DOP1B: variants seen among roughly 807,000 people sequenced by gnomAD.
DOP1B encodes the protein protein DOP1B.
In DOP1B, 174 loss-of-function variants were observed where a neutral mutation model predicts 233.5. That is an observed-to-expected ratio of 0.75 (90% CI 0.66 to 0.85). DOP1B has a LOEUF of 0.85. DOP1B is among the 40% of genes least tolerant of loss of function. The pLI, the probability that DOP1B is intolerant of heterozygous loss-of-function variation, is 0.00. For synonymous variants in DOP1B, 1,190 were observed against 1,185.6 expected (o/e 1.00, Z -0.08); for missense variants, 2,652 against 2,846.6 (o/e 0.93, Z 1.56).
Position 36,237,392 on chromosome 21 carries a change from A to G in DOP1B, c.2753A>G (p.His918Arg), listed in dbSNP as rs779637692. Reference sequence around the variant, plus strand: ...AACATCTGCGAGGACATCATCTGCCATGCCCTCCTGGACCCTGACAAGGTG... The same window carrying G: ...AACATCTGCGAGGACATCATCTGCCGTGCCCTCCTGGACCCTGACAAGGTG... ...TANICEDIIC[H>R]ALLDPDKGTR... The change falls in exon 16 of 37, where the codon CAT becomes CGT. Residue 918 changes from histidine to arginine, a missense_variant. By Grantham distance (29) the His-to-Arg change is conservative. This residue lies in a region of DOP1B where 2,617 missense variants were observed against 2,794.3 expected (regional missense o/e 0.94). Transcript: ENST00000691173. 8 of 1,614,130 alleles carry G rather than the reference A, an allele frequency of 5.0e-6. No homozygotes were observed. In the Admixed American group the frequency reaches 5.0e-5, roughly 10 times the overall value.
chr21:36,161,009 G>A (rs991208617), intron 1 of DOP1B, among the ~76,000 whole-genome samples: 2 of 152,180 alleles, frequency 1.3e-5, no homozygotes, highest in East Asian at 1.9e-4. Flanking sequence ...CTGGGGTTGA[G>A]CATGGCAGGA....
At chr21:36,202,335 G>C (rs1216150175) in intron 4 of DOP1B, among the ~76,000 whole-genome samples, 2 of 152,190 alleles carry the variant, frequency 1.3e-5, no homozygotes, top group African/African-American at 4.8e-5. Flanking sequence ...AATGGGACCT[G>C]TTTTAAGAGC....
intron 13 of DOP1B, among the ~76,000 whole-genome samples, chr21:36,229,992 C>T (rs1169433331): frequency 6.6e-6 from 1 of 151,190 alleles, no homozygotes; most frequent in East Asian, 1.9e-4. Context: ...CTTTATTTTA[C>T]CCTCAGCTCA....
chr21:36,216,569 C>T (rs2066561834), intron 9 of DOP1B, among the ~76,000 whole-genome samples: 1 of 152,160 alleles, frequency 6.6e-6, no homozygotes, highest in Non-Finnish European at 1.5e-5. Context: ...TGAGATCGCA[C>T]CATTGCACTC....
At chr21:36,283,142 C>T (rs1177142212) in intron 32 of DOP1B, among the ~76,000 whole-genome samples, 1 of 151,130 alleles carries the variant, frequency 6.6e-6, no homozygotes, top group Non-Finnish European at 1.5e-5. Flanking sequence ...AGTGCAGTGG[C>T]GCAGTCTCGC....
intron 4 of DOP1B, among the ~76,000 whole-genome samples, chr21:36,206,303 G>C (rs957436239): frequency 6.6e-6 from 1 of 151,792 alleles, no homozygotes; most frequent in Non-Finnish European, 1.5e-5. Flanking sequence ...GGCCATGCAG[G>C]GTGGACCACT....
intron 2 of DOP1B, among the ~76,000 whole-genome samples, chr21:36,166,789 G>T (rs1475505756): frequency 2.6e-5 from 4 of 152,184 alleles, no homozygotes; most frequent in Admixed American, 6.5e-5. Flanking sequence ...AATTTCAGCA[G>T]CCTGACCCTC....
chr21:36,182,415 A>G (rs2066110298), intron 2 of DOP1B, among the ~76,000 whole-genome samples: 1 of 152,184 alleles, frequency 6.6e-6, no homozygotes, highest in Non-Finnish European at 1.5e-5. Context: ...AGGTGGGCAC[A>G]TGACCTGCTC....
chr21:36,214,600 T>G (rs1475149727), intron 9 of DOP1B, 44 bp downstream of exon 9: 4 of 1,503,764 alleles, frequency 2.7e-6, no homozygotes, highest in South Asian at 1.2e-5. Flanking sequence ...GAATACAGAT[T>G]ACCTGTTTTC....
At chr21:36,263,961 TC>T (rs1218154078) in intron 26 of DOP1B, 147 bp downstream of exon 26, 1 of 856,882 alleles carries the variant, frequency 1.2e-6, no homozygotes, top group East Asian at 2.5e-5. Context: ...ACTTCTGCCA[TC>T]ACTGTCTCTA....
At chr21:36,284,237 A>G (rs1309013008) in intron 32 of DOP1B, among the ~76,000 whole-genome samples, 3 of 140,350 alleles carry the variant, frequency 2.1e-5, no homozygotes, top group Non-Finnish European at 4.6e-5. Flanking sequence ...GGCATGAGCC[A>G]CCGTGGCCAA....
At chr21:36,290,987 G>A (rs1374928825) in intron 35 of DOP1B, among the ~76,000 whole-genome samples, 2 of 151,198 alleles carry the variant, frequency 1.3e-5, no homozygotes, top group Admixed American at 1.3e-4. Flanking sequence ...AAAGAGGCCG[G>A]GCACAGTGGC....
chr21:36,277,017 A>G lies in DOP1B; in HGVS notation c.5633-4A>G, dbSNP rs376584597. The G allele has an allele frequency of 9.3e-5, 150 of 1,613,900 alleles. 1 individual carries two copies. The highest frequency in any genetic ancestry group is 5.7e-4 in the South Asian group (52 of 91,074). ...AACATACAAATGGCTCTTTCTGTTC[A>G]CAGATGCTGCTGCAGCTTCAGCAAT... is the stretch of plus-strand genomic sequence containing the variant. On this transcript the variant is annotated splice_region_variant and splice_polypyrimidine_tract_variant and intron_variant, in intron 27 of 36. Transcript: ENST00000691173.
chr21:36,258,522 G>A (rs2067133717), intron 23 of DOP1B, among the ~76,000 whole-genome samples: 1 of 152,024 alleles, frequency 6.6e-6, no homozygotes, highest in African/African-American at 2.4e-5. Context: ...CTAATGAACT[G>A]CAGATGAATC....
chr21:36,247,143 G>A (rs775742170), intron 19 of DOP1B, among the ~76,000 whole-genome samples: 1 of 152,152 alleles, frequency 6.6e-6, no homozygotes, highest in Non-Finnish European at 1.5e-5. Flanking sequence ...GCCTCCCAAA[G>A]TGCTGGGGTG....
At chr21:36,238,162 G>A (rs139045223) in intron 16 of DOP1B, among the ~76,000 whole-genome samples, 24 of 152,260 alleles carry the variant, frequency 1.6e-4, no homozygotes, top group South Asian at 2.1e-4. Flanking sequence ...GCAAGACTCC[G>A]TCTCAAAAAA....
chr21:36,177,371 G>T (rs16993942), intron 2 of DOP1B, among the ~76,000 whole-genome samples: 9 of 152,194 alleles, frequency 5.9e-5, no homozygotes, highest in African/African-American at 1.7e-4. Flanking sequence ...TATGCTTTTC[G>T]ATAATTTGTA....
intron 9 of DOP1B, among the ~76,000 whole-genome samples, chr21:36,217,809 T>C (rs1479421379): frequency 6.6e-6 from 1 of 152,226 alleles, no homozygotes; most frequent in Non-Finnish European, 1.5e-5. Flanking sequence ...GGAACACTTA[T>C]ATAAATGTAT....
chr21:36,259,420 G>A (rs182741690), intron 23 of DOP1B, among the ~76,000 whole-genome samples: 28 of 152,054 alleles, frequency 1.8e-4, no homozygotes, highest in Admixed American at 2.6e-4. Flanking sequence ...ACAGGCTTGC[G>A]CCACCATGCC....
Sources: gnomAD v4.1 joint callset for allele counts (sites outside exome capture counted in the v4.1 genomes callset) on GRCh38, gnomAD v4.1.1 for gene constraint, gnomAD v4.1.1 regional missense constraint, MANE v1.5 for transcripts, NCBI Gene and HGNC (gene_info 2026-07-23, HGNC 2026-07-21) for gene names.